SYCP1: variants seen among roughly 807,000 people sequenced by gnomAD.
SYCP1 encodes the protein cancer/testis antigen 8.
In SYCP1, 64 loss-of-function variants were observed where a neutral mutation model predicts 153.1. The observed-to-expected ratio is 0.42, with a 90% CI of 0.34 to 0.51. The LOEUF is 0.51. SYCP1 is among the 20% of genes least tolerant of loss of function. SYCP1 has a pLI of 0.06. For synonymous variants in SYCP1, 384 were observed against 341.8 expected (o/e 1.12, Z -1.36); for missense variants, 997 against 1,049.0 (o/e 0.95, Z 0.68).
At chr1:114,885,512 C>G (rs1358228124) in intron 12 of SYCP1, 23 bp from the exon 13 acceptor site, 2 of 1,351,550 alleles carry the variant, frequency 1.5e-6, no homozygotes, top group African/African-American at 1.5e-5. Context: ...TAAGTACTAT[C>G]TATTTATAAC....
chr1:114,911,734 C>A (rs1199041405), intron 18 of SYCP1, 152 bp downstream of exon 18: 3 of 347,692 alleles, frequency 8.6e-6, no homozygotes, highest in East Asian at 1.2e-4. Flanking sequence ...GTGCTAATTT[C>A]ATTGCTAAAG....
At chr1:114,903,590 T>C (rs1570737850) in intron 16 of SYCP1, among the ~76,000 whole-genome samples, 1 of 152,196 alleles carries the variant, frequency 6.6e-6, no homozygotes, top group South Asian at 2.1e-4. Flanking sequence ...TTGTAAATCA[T>C]ATCAAAGGAA....
chr1:114,945,640 T>G (rs1670659656), intron 25 of SYCP1, among the ~76,000 whole-genome samples: 1 of 152,140 alleles, frequency 6.6e-6, no homozygotes, highest in African/African-American at 2.4e-5. Context: ...CATCTGTCCT[T>G]ATTGATAACT....
chr1:114,952,102 T>C (rs892293370), intron 27 of SYCP1, among the ~76,000 whole-genome samples: 1 of 152,202 alleles, frequency 6.6e-6, no homozygotes, highest in Non-Finnish European at 1.5e-5. Flanking sequence ...TGAGCTATTA[T>C]AAATAAAGCT....
intron 27 of SYCP1, among the ~76,000 whole-genome samples, chr1:114,954,642 G>A (rs369629458): frequency 1.3e-5 from 2 of 151,616 alleles, no homozygotes; most frequent in African/African-American, 4.8e-5. Flanking sequence ...GTGCAGTGGC[G>A]TGATCTCGGC....
intron 26 of SYCP1, 138 bp downstream of exon 26, chr1:114,946,519 CT>C (rs1003069586): frequency 3.4e-5 from 15 of 436,384 alleles, no homozygotes; most frequent in African/African-American, 2.6e-4. Flanking sequence ...TCTTATAGAT[CT>C]TCTAGTTACA....
At chr1:114,899,600 C>G (rs1349212547) in intron 16 of SYCP1, among the ~76,000 whole-genome samples, 1 of 152,106 alleles carries the variant, frequency 6.6e-6, no homozygotes, top group Non-Finnish European at 1.5e-5. Flanking sequence ...ACGAAATGTC[C>G]AGGGTAGTTA....
chr1:114,976,325 G>A (rs563189907), intron 27 of SYCP1, among the ~76,000 whole-genome samples: 75 of 151,696 alleles, frequency 4.9e-4, no homozygotes, highest in Non-Finnish European at 6.2e-4. Flanking sequence ...TTGCCAGGCC[G>A]TATTATAGGA....
At chr1:114,891,959 T>A (rs957386323) in intron 15 of SYCP1, among the ~76,000 whole-genome samples, 1 of 152,128 alleles carries the variant, frequency 6.6e-6, no homozygotes, top group Non-Finnish European at 1.5e-5. Context: ...GAAATAAAAA[T>A]GATGCAATGC....
intron 27 of SYCP1, among the ~76,000 whole-genome samples, chr1:114,971,162 G>A (rs1557842777): frequency 1.3e-5 from 2 of 152,150 alleles, no homozygotes; most frequent in Admixed American, 1.3e-4. Context: ...GAGCCATAGA[G>A]CTCCCATGAA....
intron 16 of SYCP1, among the ~76,000 whole-genome samples, chr1:114,898,504 C>T (rs1667207773): frequency 6.6e-6 from 1 of 152,144 alleles, no homozygotes; most frequent in African/African-American, 2.4e-5. Context: ...CCCTTTTCTT[C>T]CTTCTGAGCC....
chr1:114,986,582 A>C (rs942124042), intron 30 of SYCP1, among the ~76,000 whole-genome samples: 5 of 152,026 alleles, frequency 3.3e-5, no homozygotes, highest in Non-Finnish European at 7.4e-5. Context: ...TTTCACAATC[A>C]GTTTCCTGGT....
chr1:114,872,851 TTCTATGTTGTC>T (rs1344604198), intron 8 of SYCP1, among the ~76,000 whole-genome samples: 1 of 152,126 alleles, frequency 6.6e-6, no homozygotes, highest in Non-Finnish European at 1.5e-5. Flanking sequence ...GACAGCGTCT[TTCTATGTTGTC>T]TAGGCTGGTC....
At chr1:114,875,322 G>A (rs1206386646) in intron 9 of SYCP1, among the ~76,000 whole-genome samples, 6 of 147,118 alleles carry the variant, frequency 4.1e-5, no homozygotes, top group Non-Finnish European at 8.9e-5. Flanking sequence ...GTGCAGTGGC[G>A]CAACCTCGGC....
chr1:114,990,489 A>G (rs773319467), intron 30 of SYCP1, among the ~76,000 whole-genome samples: 2 of 151,944 alleles, frequency 1.3e-5, no homozygotes, highest in Non-Finnish European at 2.9e-5. Context: ...AATAAAGATT[A>G]GAACAGAGCT....
intron 27 of SYCP1, among the ~76,000 whole-genome samples, chr1:114,952,828 T>G (rs966460646): frequency 6.6e-6 from 1 of 152,214 alleles, no homozygotes; most frequent in Non-Finnish European, 1.5e-5. Flanking sequence ...TTAAGAATTC[T>G]TTATATAATG....
At chr1:114,938,570 A>G (rs926432595) in intron 23 of SYCP1, among the ~76,000 whole-genome samples, 15 of 152,254 alleles carry the variant, frequency 9.9e-5, no homozygotes, top group Non-Finnish European at 1.9e-4. Flanking sequence ...TAAATCAAAA[A>G]TAAATAAGTA....
chr1:114,987,644 GAC>G (rs1673604550), intron 30 of SYCP1, among the ~76,000 whole-genome samples: 1 of 152,000 alleles, frequency 6.6e-6, no homozygotes, highest in Non-Finnish European at 1.5e-5. Context: ...CAGCCTAGGT[GAC>G]AGAGTGAGAC....
At chr1:114,878,329 C>A in intron 12 of SYCP1, 127 bp downstream of exon 12, 1 of 627,276 alleles carries the variant, frequency 1.6e-6, no homozygotes, top group Non-Finnish European at 2.7e-6. Flanking sequence ...TGAGTTGGTT[C>A]GGTTGGAGGA....
Sources: gnomAD v4.1 joint callset for allele counts (sites outside exome capture counted in the v4.1 genomes callset) on GRCh38, gnomAD v4.1.1 for gene constraint, MANE v1.5 for transcripts, NCBI Gene and HGNC (gene_info 2026-07-23, HGNC 2026-07-21) for gene names.